Variants in ITGA5 observed in about 807,000 individuals in gnomAD.
ITGA5 encodes the protein integrin alpha-5.
In ITGA5, 55 loss-of-function variants were observed where a neutral mutation model predicts 146.3. The ratio of observed to expected loss-of-function variants is 0.38; its 90% CI spans 0.30 to 0.47. The LOEUF is 0.47. ITGA5 is among the 20% of genes least tolerant of loss of function. The probability of loss-of-function intolerance (pLI) is 0.99; values close to 1 mark genes in which losing one functional copy is unlikely to be tolerated. For synonymous variants in ITGA5, 500 were observed against 531.8 expected (o/e 0.94, Z 0.82); for missense variants, 1,131 against 1,329.0 (o/e 0.85, Z 2.32).
chr12:54,419,055 G>A lies in ITGA5; in HGVS notation c.144C>T (p.Ala48=), dbSNP rs1036281143. The A allele has an allele frequency of 6.3e-7, 1 of 1,587,184 alleles. No homozygotes were observed. Among genetic ancestry groups the A allele is most frequent in the Non-Finnish European group, 8.5e-7 (1 of 1,170,150 alleles). ...RVGGFNLDAE[A]PAVLSGPPGS... is the part of the protein sequence containing the mutation. ...CCGGGGGCCCCGAGAGTACTGCTGG[G>A]GCCTCCGCGTCTAAGTTGAAGCCCC... The change falls in exon 1 of 30, where the codon GCC becomes GCT. Residue 48 remains alanine, a synonymous_variant. Coordinates refer to ENST00000293379, the MANE Select transcript of ITGA5 (RefSeq NM_002205.5).
rs143761737 is a variant in ITGA5, at chr12:54,401,564, C to T, written c.2387+21G>A. ...AGTCTGTGTCCCCTCTCAGAAAGAC[C>T]CCATTTTGCCTGGCACTGACCCGTT... On this transcript the variant is annotated intron_variant, in intron 23 of 29. Coordinates refer to ENST00000293379, the MANE Select transcript of ITGA5 (RefSeq NM_002205.5). The surrounding 1 kb of genome is among the most constrained non-coding windows in gnomAD (Gnocchi z 5.0). 1.8e-4 allele frequency: 285 copies of T among 1,612,936 alleles called. 1 individual carries two copies. In the African/African-American group the frequency reaches 3.5e-3, roughly 20 times the overall value.
chr12:54,415,988 T>C (rs1475875438), intron 1 of ITGA5, among the ~76,000 whole-genome samples: 1 of 152,234 alleles, frequency 6.6e-6, no homozygotes, highest in African/African-American at 2.4e-5. Flanking sequence ...GGATTTCCCT[T>C]GAATGTTTCC....
chr12:54,419,206 G>A lies in ITGA5; in HGVS notation c.-8C>T. On this transcript the variant is annotated 5_prime_UTR_variant, in exon 1 of 30. Coordinates refer to ENST00000293379, the MANE Select transcript of ITGA5 (RefSeq NM_002205.5). ...TGGCGTCCGGCTCCCCATAGCGCCC[G>A]CTCTTCCCTGTCCTGGGGCCACCGA... The A allele has an allele frequency of 6.4e-7, 1 of 1,552,644 alleles. No individual in the cohort carries two copies. The highest frequency in any genetic ancestry group is 8.7e-7 in the Non-Finnish European group (1 of 1,149,438).
chr12:54,406,790 C>G (rs1955872056), intron 9 of ITGA5, among the ~76,000 whole-genome samples: 1 of 152,182 alleles, frequency 6.6e-6, no homozygotes, highest in African/African-American at 2.4e-5. Context: ...CTGTCCTCTT[C>G]CTTTTTAAAA....
chr12:54,403,888 G>A lies in ITGA5; in HGVS notation c.1621+23C>T. ...CTTCATTCTCTGTCCTAGGGCCTGA[G>A]AGATCCAGGCAGTCTCCCTCACCAA... On this transcript the variant is annotated intron_variant, in intron 16 of 29. Transcript: ENST00000293379. This position sits in a 1 kb window ranked among gnomAD's most constrained non-coding sequence, Gnocchi z 4.9. 1 of 1,613,608 alleles carries A rather than the reference G, an allele frequency of 6.2e-7. No homozygotes were observed.
At chr12:54,417,671 A>C (rs561687664) in intron 1 of ITGA5, among the ~76,000 whole-genome samples, 8 of 152,202 alleles carry the variant, frequency 5.3e-5, no homozygotes, top group African/African-American at 1.7e-4. Flanking sequence ...TAACTGTCTC[A>C]TGTGTAAAAA....
chr12:54,409,313 G>T lies in ITGA5; in HGVS notation c.502C>A (p.Pro168Thr). The T allele has an allele frequency of 1.2e-6, 2 of 1,613,836 alleles. No individual in the cohort carries two copies. Among genetic ancestry groups the T allele is most frequent in the Non-Finnish European group, 1.7e-6 (2 of 1,179,910 alleles). The change falls in exon 4 of 30, where the codon CCA becomes ACA. Residue 168 changes from proline to threonine, a missense_variant. Pro to Thr is a conservative substitution (Grantham distance 38). Around this residue, in one of 3 missense-constraint regions of ITGA5, gnomAD observed 67 missense variants for 128.2 expected, o/e 0.52. Transcript: ENST00000293379. This position sits in a 1 kb window ranked among gnomAD's most constrained non-coding sequence, Gnocchi z 4.7. Reference sequence around the variant, plus strand: ...CAGGTGCCCACGGGGTCGCTCAGTGGCTCCTTCTCTGTGCGCCAGCTGTAC... The same window carrying T: ...CAGGTGCCCACGGGGTCGCTCAGTGTCTCCTTCTCTGTGCGCCAGCTGTAC... ...PLYSWRTEKE[P>T]LSDPVGTCYL... is the part of the protein sequence containing the mutation.
At chr12:54,399,090 G>A (rs1955752279) in intron 27 of ITGA5, among the ~76,000 whole-genome samples, 1 of 151,892 alleles carries the variant, frequency 6.6e-6, no homozygotes. Context: ...CAAGGGATCC[G>A]CCAACCTTGG....
chr12:54,409,320 C>T lies in ITGA5; in HGVS notation c.495G>A (p.Glu165=). Residue 165 remains glutamate, a synonymous_variant, in exon 4 of 30, where the codon GAG becomes GAA. Coordinates refer to ENST00000293379, the MANE Select transcript of ITGA5 (RefSeq NM_002205.5). This position sits in a 1 kb window ranked among gnomAD's most constrained non-coding sequence, Gnocchi z 4.7. ...ACAPLYSWRT[E]KEPLSDPVGT... ...CCACGGGGTCGCTCAGTGGCTCCTT[C>T]TCTGTGCGCCAGCTGTACAGTGGAG... The T allele has an allele frequency of 6.2e-7, 1 of 1,613,796 alleles. No individual in the cohort carries two copies. The highest frequency in any genetic ancestry group is 2.2e-5 in the East Asian group (1 of 44,882).
At position 54,405,394 on chromosome 12, in the gene ITGA5, C is replaced by A. The variant is rs564912118; in HGVS notation, c.1017-20G>T. The A allele has an allele frequency of 8.3e-6, 13 of 1,572,400 alleles. No individual in the cohort carries two copies. In the East Asian group the frequency reaches 2.7e-4, roughly 33 times the overall value. On this transcript the variant is annotated intron_variant, in intron 11 of 29. Transcript: ENST00000293379. ...TCCAGCCTGAGGGGAAGGGCAAACC[C>A]AGGCATCTCGATACCCTGTCTTGCC...
At position 54,401,179 on chromosome 12, in the gene ITGA5, T is replaced by C. The variant is rs1305890641; in HGVS notation, c.2494-184A>G. On this transcript the variant is annotated intron_variant, in intron 24 of 29. Coordinates refer to ENST00000293379, the MANE Select transcript of ITGA5 (RefSeq NM_002205.5). The surrounding 1 kb of genome is among the most constrained non-coding windows in gnomAD (Gnocchi z 5.0). ...ACACTTTTGGAGGGGGCTCCATCTTTCTTTCCAAGCCACTCAATTGGCCTG... is the reference window on the plus strand; with the variant it reads ...ACACTTTTGGAGGGGGCTCCATCTTCCTTTCCAAGCCACTCAATTGGCCTG... 1.3e-5 allele frequency among the ~76,000 whole-genome samples: 2 copies of C among 152,214 alleles called. No individual in the cohort carries two copies. The highest frequency in any genetic ancestry group is 4.8e-5 in the African/African-American group (2 of 41,442).
At position 54,404,446 on chromosome 12, in the gene ITGA5, T is replaced by C; in HGVS notation, c.1447A>G (p.Lys483Glu). Residue 483 changes from lysine to glutamate, a missense_variant, in exon 14 of 30, where the codon AAG becomes GAG. Transcript: ENST00000293379. Reference protein sequence around the residue: ...DLIVGSFGVDKAVVYRGRPIV... With the variant: ...DLIVGSFGVDEAVVYRGRPIV... ...AGCTCATACCTGTATACCACAGCCT[T>C]GTCCACACCAAAGGACCCCACAATC... 1 of 1,614,186 alleles carries C rather than the reference T, an allele frequency of 6.2e-7. No individual in the cohort carries two copies. The highest frequency in any genetic ancestry group is 8.5e-7 in the Non-Finnish European group (1 of 1,180,004).
chr12:54,403,926 C>G lies in ITGA5; in HGVS notation c.1606G>C (p.Val536Leu). ...TCTCCCTCACCAATGGAGTCAGCAA[C>G]GTGTTTTCCAGAAGCATTGAGGCAG... ...SFCLNASGKH[V>L]ADSIGFTVEL... Residue 536 changes from valine (V) to leucine (L), a missense_variant, in exon 16 of 30, where the codon GTT becomes CTT. This residue lies in a region of ITGA5 where 889 missense variants were observed against 1,021.5 expected (regional missense o/e 0.87). Coordinates refer to ENST00000293379, the MANE Select transcript of ITGA5 (RefSeq NM_002205.5). The surrounding 1 kb of genome is among the most constrained non-coding windows in gnomAD (Gnocchi z 4.9). 1 of 1,614,194 alleles carries G rather than the reference C, an allele frequency of 6.2e-7. No homozygotes were observed. The highest frequency in any genetic ancestry group is 8.5e-7 in the Non-Finnish European group (1 of 1,180,036).
rs373766369 is a variant in ITGA5 at position 54,399,629 on chromosome 12, G to C, written c.2841+16C>G. The C allele has an allele frequency of 2.0e-5, 32 of 1,592,982 alleles. No homozygotes were observed. Among genetic ancestry groups the C allele is most frequent in the Middle Eastern group, 3.3e-4 (2 of 6,010 alleles). On this transcript the variant is annotated intron_variant, in intron 27 of 29. Coordinates refer to ENST00000293379, the MANE Select transcript of ITGA5 (RefSeq NM_002205.5). ...CCCAAAGGTCAGGGGTCAGGGCTGA[G>C]GTAAGGCTCCCTCACCTGCAAGAAA...
chr12:54,416,981 G>A lies in ITGA5; in HGVS notation c.218+2000C>T, dbSNP rs11170894. On this transcript the variant is annotated intron_variant, in intron 1 of 29. Coordinates refer to ENST00000293379, the MANE Select transcript of ITGA5 (RefSeq NM_002205.5). The surrounding 1 kb of genome is among the most constrained non-coding windows in gnomAD (Gnocchi z 4.1). ...GTGTTTGTCTTGTGTTGTGGGAAAG[G>A]GGGTGAAGGCCTAGCTGTGGTGGGA... 0.019 allele frequency among the ~76,000 whole-genome samples: 2,874 copies of A among 152,290 alleles called. 63 individuals are homozygous for A. The highest frequency in any genetic ancestry group is 0.066 in the Admixed American group (1,011 of 15,294).
At position 54,399,924 on chromosome 12, in the gene ITGA5, G is replaced by A. The variant is rs766159417; in HGVS notation, c.2667C>T (p.His889=). ...TTGGAGCTTCCCGTTTTTGCTGGTG[G>A]TGCAGGGAACCCTCGGGATCCAACT... The part of the protein sequence containing the change: ...GLELDPEGSL[H]HQQKREAPSR... Residue 889 remains histidine (H), a synonymous_variant, in exon 26 of 30, where the codon CAC becomes CAT. Coordinates refer to ENST00000293379, the MANE Select transcript of ITGA5 (RefSeq NM_002205.5). 5 of 1,614,130 alleles carry A rather than the reference G, an allele frequency of 3.1e-6. No homozygotes were observed. The highest frequency in any genetic ancestry group is 2.2e-5 in the South Asian group (2 of 91,084).
chr12:54,405,355 C>A lies in ITGA5; in HGVS notation c.1036G>T (p.Gly346Trp). 6.2e-7 allele frequency: 1 copy of A among 1,607,724 alleles called. No individual in the cohort carries two copies. Residue 346 changes from glycine (G) to tryptophan (W), a missense_variant, in exon 12 of 30, where the codon GGG becomes TGG. Gly to Trp is a radical substitution (Grantham distance 184). This residue lies in a region of ITGA5 where 889 missense variants were observed against 1,021.5 expected (regional missense o/e 0.87). Transcript: ENST00000293379. The stretch of plus-strand genomic sequence containing the variant: ...GTCCGATCCATGAGCAGGGGTGCCC[C>A]CACCAGCAAGTCATCCAGCCTGAGG... ...NGDGLDDLLV[G>W]APLLMDRTPD...
At chr12:54,405,561 GA>G in intron 11 of ITGA5, 102 bp downstream of exon 11, 3 of 1,196,090 alleles carry the variant, frequency 2.5e-6, no homozygotes, top group Non-Finnish European at 3.6e-6. Flanking sequence ...AGAGTCTAGA[GA>G]AAAAGCCCTG....
rs768275847 is a variant in ITGA5 at position 54,401,508 on chromosome 12, G to A, written c.2388-30C>T. 4 of 1,607,222 alleles carry A rather than the reference G, an allele frequency of 2.5e-6. No individual in the cohort carries two copies. The highest frequency in any genetic ancestry group is 1.3e-5 in the African/African-American group (1 of 74,834). On this transcript the variant is annotated intron_variant, in intron 23 of 29. Transcript: ENST00000293379. The surrounding 1 kb of genome is among the most constrained non-coding windows in gnomAD (Gnocchi z 5.0). ...GGAGGAGGGTGGTTTAGAGGAGGGT[G>A]GAAGGAACCCCATATGCATCCTTCC...
Sources: gnomAD v4.1 joint callset for allele counts (sites outside exome capture counted in the v4.1 genomes callset) on GRCh38, gnomAD v4.1.1 for gene constraint, gnomAD v4.1.1 regional missense constraint, Gnocchi (gnomAD v3.1) non-coding constraint, MANE v1.5 for transcripts, NCBI Gene and HGNC (gene_info 2026-07-23, HGNC 2026-07-21) for gene names.